DMD: variants seen among roughly 807,000 people sequenced by gnomAD.
The protein encoded by DMD is dystrophin, also known as mutant dystrophin.
DMD carries 63 observed loss-of-function variants against 330.1 expected under a neutral mutation model. The observed-to-expected ratio is 0.19, with a 90% CI of 0.16 to 0.24. The LOEUF is 0.24. Among genes scored for constraint, DMD ranks in the 10% least tolerant of loss-of-function variants. DMD has a pLI of 1.00. For missense variants in DMD, 3,344 were observed against 2,684.1 expected (o/e 1.25, Z -5.43); for synonymous variants, 1,223 against 959.8 (o/e 1.27, Z -5.07).
intron 1 of DMD, among the ~76,000 whole-genome samples, chrX:33,307,417 C>G (rs2053779583): frequency 8.9e-6 from 1 of 112,522 alleles, no homozygotes; most frequent in Non-Finnish European, 1.9e-5. Flanking sequence ...AGAGGCTGGG[C>G]ACGGTGGCTC....
intron 32 of DMD, among the ~76,000 whole-genome samples, chrX:32,388,957 G>A (rs1308008524): frequency 9.1e-6 from 1 of 110,387 alleles, no homozygotes; most frequent in South Asian, 4.0e-4. Flanking sequence ...CTTTTAATTC[G>A]GTGTTGTCTT....
In DMD at chrX:31,990,569, CCA is replaced by C. The variant is rs1287014491; in HGVS notation, c.6439-22057_6439-22056del. Among the ~76,000 whole-genome samples the C allele has an allele frequency of 3.6e-5, 4 of 112,163 alleles. No homozygotes were observed. The East Asian group carries it at 8.4e-4, about 24-fold the overall frequency. On this transcript the variant is annotated intron_variant, in intron 44 of 78. Transcript: ENST00000357033. Reference sequence around the variant, plus strand: ...ATTTCACAAGAAATAATACGTACAACCACAAAGTTAACTTGAGCTGTGATTAT... The same window carrying C: ...ATTTCACAAGAAATAATACGTACAACCAAAGTTAACTTGAGCTGTGATTAT...
Position 33,009,396 on chromosome X carries a change from GTGTA to G in DMD, c.93+10739_93+10742del, listed in dbSNP as rs1466251503. Among the ~76,000 whole-genome samples, 2 of 86,813 alleles carry G rather than the reference GTGTA, an allele frequency of 2.3e-5. 1 individual carries two copies. The highest frequency in any genetic ancestry group is 9.3e-5 in the African/African-American group (2 of 21,447). The allele number at this position is 86,813 out of a possible 115,157, so 75.4% of individuals were successfully genotyped here. ...TGTGTATATACACGTGTATATATGT[GTGTA>G]TATGTGTATATACACATGTGTGTAT... On this transcript the variant is annotated intron_variant, in intron 2 of 78. Transcript: ENST00000357033.
chrX:33,308,576 G>A (rs1381667377), intron 1 of DMD, among the ~76,000 whole-genome samples: 2 of 111,353 alleles, frequency 1.8e-5, no homozygotes, highest in Admixed American at 1.9e-4. Context: ...ACAACAATCT[G>A]TTAACCAAAC....
At chrX:31,868,050 G>A (rs1261909698) in intron 48 of DMD, among the ~76,000 whole-genome samples, 1 of 111,398 alleles carries the variant, frequency 9.0e-6, no homozygotes, top group East Asian at 2.8e-4. Context: ...GAAGTACTAC[G>A]ACAGGTACTC....
chrX:33,325,987 A>G (rs2054083951), intron 1 of DMD, among the ~76,000 whole-genome samples: 1 of 111,724 alleles, frequency 9.0e-6, no homozygotes, highest in Non-Finnish European at 1.9e-5. Context: ...GGTAACTATC[A>G]TACCATCATA....
chrX:32,940,672 A>T (rs758526044), intron 2 of DMD, among the ~76,000 whole-genome samples: 1 of 111,966 alleles, frequency 8.9e-6, no homozygotes, highest in South Asian at 3.7e-4. Flanking sequence ...TTAAAGATTT[A>T]AATGTAAGAC....
chrX:32,311,757 T>C (rs938583042), intron 41 of DMD, among the ~76,000 whole-genome samples: 4 of 111,819 alleles, frequency 3.6e-5, no homozygotes, highest in African/African-American at 1.3e-4. Flanking sequence ...AATTTCACTA[T>C]TTCATCATAA....
chrX:32,857,015 C>A (rs1033908925), intron 2 of DMD, among the ~76,000 whole-genome samples: 2 of 108,040 alleles, frequency 1.9e-5, no homozygotes, highest in Non-Finnish European at 3.8e-5. Context: ...GCGGAGCTTG[C>A]AATGAGCCCA....
chrX:32,349,497 C>T (rs181377002), intron 37 of DMD, among the ~76,000 whole-genome samples: 4 of 111,332 alleles, frequency 3.6e-5, no homozygotes, highest in African/African-American at 9.7e-5. Flanking sequence ...GAATGACCCC[C>T]GTGTCTTTTG....
chrX:32,857,384 G>C (rs1334882224), intron 2 of DMD, among the ~76,000 whole-genome samples: 2 of 111,715 alleles, frequency 1.8e-5, no homozygotes, highest in Non-Finnish European at 3.8e-5. Flanking sequence ...ATCTAACCTG[G>C]AATAATTTGG....
intron 45 of DMD, among the ~76,000 whole-genome samples, chrX:31,943,759 C>T (rs971013709): frequency 9.1e-6 from 1 of 110,292 alleles, no homozygotes; most frequent in Non-Finnish European, 1.9e-5. Flanking sequence ...TTGAATTCCT[C>T]GTGGTAGTAA....
intron 55 of DMD, among the ~76,000 whole-genome samples, chrX:31,566,981 A>T (rs2075502446): frequency 9.0e-6 from 1 of 111,407 alleles, no homozygotes; most frequent in Non-Finnish European, 1.9e-5. Flanking sequence ...TCTAAATGTA[A>T]GCCCATCATA....
intron 45 of DMD, among the ~76,000 whole-genome samples, chrX:31,940,805 T>A (rs1251532500): frequency 9.1e-6 from 1 of 110,262 alleles, no homozygotes; most frequent in African/African-American, 3.3e-5. Flanking sequence ...TACAAAGGCC[T>A]TGAGGCAGGA....
chrX:31,507,548 T>A (rs1603281315), intron 55 of DMD, 95 bp from the exon 56 acceptor site: 1 of 870,084 alleles, frequency 1.1e-6, no homozygotes, highest in Non-Finnish European at 1.6e-6. Flanking sequence ...ATATAAATAA[T>A]TATTAGTTCA....
At chrX:31,251,784 C>A (rs2049392447) in intron 63 of DMD, among the ~76,000 whole-genome samples, 1 of 112,188 alleles carries the variant, frequency 8.9e-6, no homozygotes, top group Non-Finnish European at 1.9e-5. Context: ...TTTTTAGATG[C>A]CTTTACTCTG....
chrX:31,704,332 A>C (rs1394401882), intron 52 of DMD, among the ~76,000 whole-genome samples: 2 of 111,464 alleles, frequency 1.8e-5, no homozygotes, highest in East Asian at 5.6e-4. Context: ...TCATAACTAT[A>C]CATCCAGAGA....
chrX:33,298,963 A>G (rs983441423), intron 1 of DMD, among the ~76,000 whole-genome samples: 2 of 111,883 alleles, frequency 1.8e-5, no homozygotes, highest in African/African-American at 3.2e-5. Context: ...ACAGCTATCA[A>G]GAGTCTTAAT....
intron 45 of DMD, among the ~76,000 whole-genome samples, chrX:31,947,475 T>C (rs6628658): frequency 0.41 from 45,005 of 110,495 alleles, 8,627 homozygotes; most frequent in African/African-American, 0.75. Flanking sequence ...GTGTACACGA[T>C]GGGTCCATAA....
Sources: gnomAD v4.1 joint callset for allele counts (sites outside exome capture counted in the v4.1 genomes callset) on GRCh38, gnomAD v4.1.1 for gene constraint, MANE v1.5 for transcripts, NCBI Gene and HGNC (gene_info 2026-07-23, HGNC 2026-07-21) for gene names.